UNC13B: variants seen among roughly 807,000 people sequenced by gnomAD.
UNC13B encodes the protein unc-13 homolog B.
In UNC13B, 144 loss-of-function variants were observed where a neutral mutation model predicts 211.0. That is an observed-to-expected ratio of 0.68 (90% CI 0.60 to 0.78). The LOEUF is 0.78. UNC13B is among the 30% of genes least tolerant of loss of function. The pLI is 0.00. For missense variants in UNC13B, 1,777 were observed against 2,002.0 expected, an observed-to-expected ratio of 0.89 and a Z score of 2.14; for synonymous variants, 709 against 725.8, an observed-to-expected ratio of 0.98 and a Z score of 0.37.
chr9:35,165,344 C>G (rs1820976934), intron 1 of UNC13B, among the ~76,000 whole-genome samples: 1 of 150,804 alleles, frequency 6.6e-6, no homozygotes, highest in South Asian at 2.1e-4. Context: ...TGACACTAAA[C>G]AGAAATTGAA....
chr9:35,306,810 C>G lies in UNC13B; in HGVS notation c.7406C>G (p.Ser2469Cys). The change falls in exon 9 of 40, where the codon TCT (serine) becomes TGT (cysteine). Residue 2469 changes from serine (S) to cysteine (C), a missense_variant. Physicochemically the swap from Ser to Cys is moderately radical, Grantham distance 112. Transcript: ENST00000635942. ...TTTGTGACCAAAGTGAAATCTTTCT[C>G]TGGGAGCTTAATTGAACCTCCCAAA... is the stretch of plus-strand genomic sequence containing the variant. The part of the protein sequence containing the change: ...SGFVTKVKSF[S>C]GSLIEPPKTL... 1 of 399,058 alleles carries G rather than the reference C, an allele frequency of 2.5e-6. No individual in the cohort carries two copies. Among genetic ancestry groups the G allele is most frequent in the Non-Finnish European group, 4.4e-6 (1 of 226,052 alleles). The allele number at this position is 399,058 out of a possible 1,614,324, so 24.7% of individuals were successfully genotyped here.
Position 35,306,573 on chromosome 9 carries a change from A to G in UNC13B, c.7169A>G (p.Asp2390Gly), listed in dbSNP as rs1303073301. 2 of 398,836 alleles carry G rather than the reference A, an allele frequency of 5.0e-6. No individual in the cohort carries two copies. Among genetic ancestry groups the G allele is most frequent in the Non-Finnish European group, 8.8e-6 (2 of 226,056 alleles). 24.7% of individuals were successfully genotyped at this position (398,836 alleles called of 1,614,324 possible). A position where few individuals can be genotyped will look rare whatever the true frequency, so the allele number is the denominator to read the frequency against. ...KQLIEKFNDL[D>G]TCTNCHQNEK... ...TTAATTGAAAAATTCAATGATTTAG[A>G]CACTTGTACTAACTGCCACCAAAAT... Residue 2390 changes from aspartate to glycine, a missense_variant, in exon 9 of 40, where the codon GAC becomes GGC. By Grantham distance (94) the Asp-to-Gly change is moderately conservative. Transcript: ENST00000635942.
intron 1 of UNC13B, among the ~76,000 whole-genome samples, chr9:35,209,092 T>C (rs1373545643): frequency 6.6e-6 from 1 of 152,214 alleles, no homozygotes; most frequent in African/African-American, 2.4e-5. Context: ...TGAGACAGGG[T>C]CTTGCTGTGT....
At chr9:35,355,918 G>A (rs1355115851) in intron 11 of UNC13B, among the ~76,000 whole-genome samples, 14 of 152,340 alleles carry the variant, frequency 9.2e-5, no homozygotes, top group East Asian at 3.9e-4. Context: ...CAATGATGAG[G>A]ACACTTGTGT....
chr9:35,351,286 T>C, intron 11 of UNC13B: 1 of 1,187,470 alleles, frequency 8.4e-7, no homozygotes. Flanking sequence ...ATTTTCCTTT[T>C]TCACTAGCTA....
In UNC13B at chr9:35,301,506, A is replaced by G. The variant is rs1266113177; in HGVS notation, c.2102A>G (p.Asn701Ser). 1 of 398,770 alleles carries G rather than the reference A, an allele frequency of 2.5e-6. No homozygotes were observed. Among genetic ancestry groups the G allele is most frequent in the African/African-American group, 2.1e-5 (1 of 48,616 alleles). The allele number at this position is 398,770 out of a possible 1,614,324, so 24.7% of individuals were successfully genotyped here. A position where few individuals can be genotyped will look rare whatever the true frequency, so the allele number is the denominator to read the frequency against. Residue 701 changes from asparagine (N) to serine (S), a missense_variant, in exon 9 of 40, where the codon AAT becomes AGT. By Grantham distance (46) the Asn-to-Ser change is conservative. Coordinates refer to ENST00000635942, the MANE Select transcript of UNC13B (RefSeq NM_001371189.2). ...ELNKREGTLD[N>S]YSSSIIALNG... Reference sequence around the variant, plus strand: ...AATAAAAGGGAAGGCACTCTTGACAATTACAGTAGTAGCATCATTGCTTTA... The same window carrying G: ...AATAAAAGGGAAGGCACTCTTGACAGTTACAGTAGTAGCATCATTGCTTTA...
chr9:35,250,272 T>C (rs557783316), intron 6 of UNC13B, among the ~76,000 whole-genome samples: 5 of 152,224 alleles, frequency 3.3e-5, no homozygotes, highest in Non-Finnish European at 5.9e-5. Context: ...ACCACAATTT[T>C]GAATATTTTC....
intron 6 of UNC13B, among the ~76,000 whole-genome samples, chr9:35,258,550 T>A (rs968822842): frequency 1.1e-4 from 17 of 152,226 alleles, no homozygotes; most frequent in African/African-American, 3.9e-4. Flanking sequence ...CCATGTGACC[T>A]TATGAGCAAA....
At chr9:35,364,897 T>G (rs570261080) in intron 11 of UNC13B, among the ~76,000 whole-genome samples, 2 of 152,338 alleles carry the variant, frequency 1.3e-5, no homozygotes, top group East Asian at 3.9e-4. Flanking sequence ...TTTCTCCTAC[T>G]CAGCTCAGTG....
At chr9:35,298,610 G>A (rs1829514811) in intron 8 of UNC13B, among the ~76,000 whole-genome samples, 1 of 152,154 alleles carries the variant, frequency 6.6e-6, no homozygotes. Context: ...GAGAGCCACT[G>A]CACCTGGCCT....
rs1554692862 is a variant in UNC13B at position 35,257,308 on chromosome 9, A to ATATAAATATTTATAAAAATATTT, written c.469-1685_469-1684insTATAAATATTTATAAAAATATTT. Among the ~76,000 whole-genome samples the ATATAAATATTTATAAAAATATTT allele has an allele frequency of 1.8e-3, 174 of 98,302 alleles. 6 individuals carry two copies. The highest frequency in any genetic ancestry group is 2.5e-3 in the Non-Finnish European group (106 of 42,424). The allele number at this position is 98,302 out of a possible 152,430, so 64.5% of individuals were successfully genotyped here. Reference sequence around the variant, plus strand: ...ACCCCCATTTTTTATATTTATAAAAAATATAAATATTTATAAAAATATTTA... The same window carrying ATATAAATATTTATAAAAATATTT: ...ACCCCCATTTTTTATATTTATAAAAATATAAATATTTATAAAAATATTTATATAAATATTTATAAAAATATTTA... On this transcript the variant is annotated intron_variant, in intron 6 of 39. Transcript: ENST00000635942.
intron 1 of UNC13B, among the ~76,000 whole-genome samples, chr9:35,177,023 C>T (rs1436766416): frequency 6.6e-6 from 1 of 152,138 alleles, no homozygotes; most frequent in African/African-American, 2.4e-5. Flanking sequence ...CTCCTGACCT[C>T]AGGTGATCCA....
In UNC13B at chr9:35,306,443, A is replaced by C; in HGVS notation, c.7039A>C (p.Thr2347Pro). 1 of 399,016 alleles carries C rather than the reference A, an allele frequency of 2.5e-6. No individual in the cohort carries two copies. Among genetic ancestry groups the C allele is most frequent in the Non-Finnish European group, 4.4e-6 (1 of 226,050 alleles). The allele number at this position is 399,016 out of a possible 1,614,324, so 24.7% of individuals were successfully genotyped here. A position where few individuals can be genotyped will look rare whatever the true frequency, so the allele number is the denominator to read the frequency against. Residue 2347 changes from threonine to proline, a missense_variant, in exon 9 of 40, where the codon ACT (threonine) becomes CCT (proline). Coordinates refer to ENST00000635942, the MANE Select transcript of UNC13B (RefSeq NM_001371189.2). The part of the protein sequence containing the change: ...EFQAQAETFL[T>P]GPENLGIAPH... ...TCAGGCACAGGCTGAAACATTCCTC[A>C]CTGGCCCAGAGAACCTTGGGATAGC...
chr9:35,264,516 G>A (rs1706497173), intron 7 of UNC13B, among the ~76,000 whole-genome samples: 1 of 152,172 alleles, frequency 6.6e-6, no homozygotes, highest in Non-Finnish European at 1.5e-5. Flanking sequence ...GTAGTAAAAT[G>A]CAAGAGGACA....
chr9:35,183,149 C>T (rs1822052781), intron 1 of UNC13B, among the ~76,000 whole-genome samples: 1 of 145,398 alleles, frequency 6.9e-6, no homozygotes, highest in Non-Finnish European at 1.5e-5. Flanking sequence ...CAGAGGCGCT[C>T]CCCACCTCCC....
rs748437868 is a variant in UNC13B, at chr9:35,243,342, A to G, written c.446A>G (p.Asn149Ser). 10 of 1,613,562 alleles carry G rather than the reference A, an allele frequency of 6.2e-6. No homozygotes were observed. In the East Asian group the frequency reaches 1.8e-4, roughly 29 times the overall value. Residue 149 changes from asparagine to serine, a missense_variant, in exon 6 of 40, where the codon AAT (asparagine) becomes AGT (serine). Transcript: ENST00000635942. Reference protein sequence around the residue: ...RYWTYKWEQINALGADNEYSS... With the variant: ...RYWTYKWEQISALGADNEYSS... ...TGGACCTACAAATGGGAGCAAATCA[A>G]TGCCTTGGGAGCTGACAATGAGGTA...
rs891688890 is a variant in UNC13B at position 35,404,092 on chromosome 9, G to T, written c.*59G>T. 5 of 1,572,898 alleles carry T rather than the reference G, an allele frequency of 3.2e-6. No homozygotes were observed. The highest frequency in any genetic ancestry group is 4.3e-6 in the Non-Finnish European group (5 of 1,161,402). On this transcript the variant is annotated 3_prime_UTR_variant, in exon 40 of 40. Coordinates refer to ENST00000635942, the MANE Select transcript of UNC13B (RefSeq NM_001371189.2). ...CAATTTCACAAATCAGGGCCAGTGG[G>T]AGTTAGCTGTGTAACCGGCTTAGGG... is the stretch of plus-strand genomic sequence containing the variant.
At chr9:35,297,601 C>G (rs1411339528) in intron 8 of UNC13B, among the ~76,000 whole-genome samples, 2 of 138,952 alleles carry the variant, frequency 1.4e-5, no homozygotes, top group African/African-American at 5.6e-5. Context: ...CCAGGCCGGA[C>G]TGCAGTGGCG....
At chr9:35,379,932 C>G (rs1349342331) in intron 17 of UNC13B, among the ~76,000 whole-genome samples, 2 of 152,078 alleles carry the variant, frequency 1.3e-5, no homozygotes, top group Non-Finnish European at 2.9e-5. Flanking sequence ...CAAAGCAAAC[C>G]CGATAGACGA....
Sources: allele counts gnomAD v4.1 joint callset (sites outside exome capture counted in the v4.1 genomes callset), GRCh38; gene constraint gnomAD v4.1.1; transcripts MANE v1.5; gene names NCBI Gene and HGNC (gene_info 2026-07-23, HGNC 2026-07-21).